The following ABCC1 variants were observed in gnomAD, a reference collection of about 807,000 sequenced individuals.
ABCC1 encodes ATP binding cassette subfamily C member 1 (ABCC1 blood group), also known as multidrug resistance-associated protein 1.
ABCC1 carries 83 observed loss-of-function variants against 172.9 expected under a neutral mutation model. The ratio of observed to expected loss-of-function variants is 0.48; its 90% confidence interval spans 0.40 to 0.58. The LOEUF (loss-of-function observed/expected upper bound fraction) is 0.58, where lower values mean the gene tolerates loss of function less well. Ranked by LOEUF, ABCC1 falls within the 20% of genes least tolerant of loss-of-function variation. The pLI is 0.00. For synonymous variants in ABCC1, 937 were observed against 825.2 expected, an observed-to-expected ratio of 1.14 and a Z score of -2.32; for missense variants, 1,817 against 2,002.7, an observed-to-expected ratio of 0.91 and a Z score of 1.77.
chr16:16,009,295 T>C (rs946046296), intron 2 of ABCC1, among the ~76,000 whole-genome samples: 1 of 152,338 alleles, frequency 6.6e-6, no homozygotes, highest in Non-Finnish European at 1.5e-5. Flanking sequence ...TGTTTTATCA[T>C]GAGCTTTTGT....
At chr16:16,025,944 CT>C (rs1219663761) in intron 5 of ABCC1, among the ~76,000 whole-genome samples, 9 of 152,194 alleles carry the variant, frequency 5.9e-5, no homozygotes, top group African/African-American at 1.9e-4. Context: ...GGGAAACCCC[CT>C]GGAGGTGGCT....
intron 1 of ABCC1, among the ~76,000 whole-genome samples, chr16:15,989,428 G>A (rs749020228): frequency 2.0e-5 from 3 of 152,168 alleles, no homozygotes; most frequent in Non-Finnish European, 4.4e-5. Flanking sequence ...GATGTTTTCA[G>A]GAGTGCGGTG....
intron 1 of ABCC1, among the ~76,000 whole-genome samples, chr16:15,960,102 G>T (rs2046094597): frequency 6.6e-6 from 1 of 152,160 alleles, no homozygotes; most frequent in South Asian, 2.1e-4. Flanking sequence ...TGTGGTGTTT[G>T]ACTGATTGAT....
intron 17 of ABCC1, among the ~76,000 whole-genome samples, chr16:16,086,020 A>G (rs915666018): frequency 7.9e-5 from 12 of 152,128 alleles, no homozygotes; most frequent in African/African-American, 2.4e-4. Context: ...TGCTTCACCT[A>G]TATGTGGCTT....
chr16:16,121,875 A>G (rs1329022845), intron 23 of ABCC1, 100 bp from the exon 24 acceptor site: 2 of 1,304,596 alleles, frequency 1.5e-6, no homozygotes, highest in Non-Finnish European at 2.1e-6. Flanking sequence ...TGCCTCCTGG[A>G]GGTATCGGTT....
chr16:16,049,008 G>C (rs1337755881), intron 10 of ABCC1, among the ~76,000 whole-genome samples: 1 of 151,822 alleles, frequency 6.6e-6, no homozygotes, highest in East Asian at 1.9e-4. Flanking sequence ...AGTAGCCTAA[G>C]TAAATAGAGG....
In ABCC1 at chr16:16,028,284, G is replaced by A. The variant is rs925863766; in HGVS notation, c.616-4825G>A. On this transcript the variant is annotated intron_variant, in intron 5 of 30. Coordinates refer to ENST00000399410, the MANE Select transcript of ABCC1 (RefSeq NM_004996.4). ...TTGTAATTATATATTTGTTTGCACC[G>A]TGGTTTACTTACTGTCCATCTTCCC... Among the ~76,000 whole-genome samples the A allele has an allele frequency of 7.9e-5, 12 of 152,040 alleles. No individual in the cohort carries two copies. In the East Asian group the frequency reaches 1.5e-3, roughly 20 times the overall value.
intron 8 of ABCC1, among the ~76,000 whole-genome samples, chr16:16,045,086 A>G (rs2049147482): frequency 6.6e-6 from 1 of 152,164 alleles, no homozygotes; most frequent in South Asian, 2.1e-4. Flanking sequence ...GAGCAAGGAA[A>G]TGCCAGCAGA....
At chr16:16,078,800 C>T (rs1260748379) in intron 15 of ABCC1, among the ~76,000 whole-genome samples, 1 of 152,168 alleles carries the variant, frequency 6.6e-6, no homozygotes, top group Non-Finnish European at 1.5e-5. Flanking sequence ...CCTCAGCCTC[C>T]TCAGTAGCTG....
At chr16:16,018,459 G>C (rs570215567) in intron 5 of ABCC1, among the ~76,000 whole-genome samples, 2 of 152,136 alleles carry the variant, frequency 1.3e-5, no homozygotes, top group African/African-American at 4.8e-5. Context: ...TGAGGCAGGA[G>C]AATCTCTTGA....
intron 1 of ABCC1, among the ~76,000 whole-genome samples, chr16:15,986,363 C>T (rs375951353): frequency 1.1e-4 from 17 of 152,290 alleles, no homozygotes; most frequent in East Asian, 9.6e-4. Flanking sequence ...GAACCAGTAG[C>T]GAGCAGTCTG....
chr16:16,031,075 C>G (rs1251442877), intron 5 of ABCC1, among the ~76,000 whole-genome samples: 1 of 152,160 alleles, frequency 6.6e-6, no homozygotes, highest in Non-Finnish European at 1.5e-5. Flanking sequence ...TCTCGAACTC[C>G]TGACCACAAG....
chr16:16,134,453 A>C lies in ABCC1; in HGVS notation c.4070A>C (p.Asn1357Thr), dbSNP rs200768421. The change falls in exon 28 of 31, where the codon AAC (asparagine) becomes ACC (threonine). Residue 1357 changes from asparagine (N) to threonine (T), a missense_variant. By Grantham distance (65) the Asn-to-Thr change is moderately conservative. This residue lies in a region of ABCC1 where 1,412 missense variants were observed against 1,600.3 expected (regional missense o/e 0.88). Coordinates refer to ENST00000399410, the MANE Select transcript of ABCC1 (RefSeq NM_004996.4). ...AEGEIIIDGINIAKIGLHDLR... is the reference protein window; with the variant it reads ...AEGEIIIDGITIAKIGLHDLR... ...GGAGAGATCATCATCGATGGCATCAACATCGCCAAGATCGGCCTGCACGAC... is the reference window on the plus strand; with the variant it reads ...GGAGAGATCATCATCGATGGCATCACCATCGCCAAGATCGGCCTGCACGAC... 3 of 1,614,054 alleles carry C rather than the reference A, an allele frequency of 1.9e-6. No homozygotes were observed. The highest frequency in any genetic ancestry group is 2.2e-5 in the South Asian group (2 of 91,088).
intron 30 of ABCC1, 39 bp from the exon 31 acceptor site, chr16:16,141,134 C>T (rs1364717412): frequency 6.3e-7 from 1 of 1,589,852 alleles, no homozygotes; most frequent in South Asian, 1.1e-5. Flanking sequence ...GGTGCTCACC[C>T]CTCCCCTTCC....
chr16:16,113,144 A>G (rs938970335), intron 22 of ABCC1, among the ~76,000 whole-genome samples: 1 of 152,186 alleles, frequency 6.6e-6, no homozygotes, highest in Non-Finnish European at 1.5e-5. Flanking sequence ...GCGGTAGCAG[A>G]GCACACATGG....
rs1401475576 is a variant in ABCC1 at position 16,114,786 on chromosome 16, T to A, written c.3100T>A (p.Ser1034Thr). The A allele has an allele frequency of 1.2e-6, 2 of 1,603,690 alleles. No homozygotes were observed. Among genetic ancestry groups the A allele is most frequent in the Admixed American group, 3.3e-5 (2 of 59,836 alleles). ...TGCAGGGATCGCCGTGTTTGGCTAC[T>A]CCATGGCCGTGTCCATCGGGGGGAT... ...ISQGIAVFGYSMAVSIGGILA... is the reference protein window; with the variant it reads ...ISQGIAVFGYTMAVSIGGILA... Residue 1034 changes from serine (S) to threonine (T), a missense_variant, in exon 23 of 31, where the codon TCC (serine) becomes ACC (threonine). Physicochemically the swap from Ser to Thr is moderately conservative, Grantham distance 58 (BLOSUM62 1). Coordinates refer to ENST00000399410, the MANE Select transcript of ABCC1 (RefSeq NM_004996.4).
chr16:16,051,072 G>A (rs1463099324), intron 10 of ABCC1, among the ~76,000 whole-genome samples: 1 of 152,072 alleles, frequency 6.6e-6, no homozygotes, highest in Non-Finnish European at 1.5e-5. Flanking sequence ...ATCACGTTTT[G>A]TTTTAGATGG....
intron 24 of ABCC1, among the ~76,000 whole-genome samples, chr16:16,124,152 C>G (rs963215976): frequency 6.6e-6 from 1 of 152,192 alleles, no homozygotes; most frequent in African/African-American, 2.4e-5. Flanking sequence ...GTTACGCACT[C>G]CCCTCCCAGA....
chr16:16,087,044 A>C, intron 18 of ABCC1, 53 bp downstream of exon 18: 6 of 1,600,226 alleles, frequency 3.7e-6, no homozygotes, highest in Non-Finnish European at 5.1e-6. Flanking sequence ...CCTTTGGTTA[A>C]GTCAGAACGT....
Sources: gnomAD v4.1 joint callset for allele counts (sites outside exome capture counted in the v4.1 genomes callset) on GRCh38, gnomAD v4.1.1 for gene constraint, gnomAD v4.1.1 regional missense constraint, MANE v1.5 for transcripts, NCBI Gene and HGNC (gene_info 2026-07-23, HGNC 2026-07-21) for gene names.